The following TNXB variants were observed in gnomAD, a reference collection of about 807,000 sequenced individuals.
The protein encoded by TNXB is tenascin XB.
A neutral mutation model predicts 340.5 loss-of-function variants in TNXB; 183 were observed. The observed-to-expected ratio is 0.54, with a 90% CI of 0.48 to 0.61. The LOEUF (loss-of-function observed/expected upper bound fraction) is 0.61, where lower values mean the gene tolerates loss of function less well. Ranked by LOEUF, TNXB falls within the 20% of genes least tolerant of loss-of-function variation. The pLI is 0.00. For missense variants in TNXB, 4,613 were observed against 5,446.4 expected, an observed-to-expected ratio of 0.85 and a Z score of 4.82; for synonymous variants, 2,121 against 2,314.5, an observed-to-expected ratio of 0.92 and a Z score of 2.40.
At position 32,069,911 on chromosome 6, in the gene TNXB, G is replaced by A; in HGVS notation, c.5279-50C>T. On this transcript the variant is annotated intron_variant, in intron 14 of 43. Transcript: ENST00000644971. The surrounding 1 kb of genome is among the most constrained non-coding windows in gnomAD (Gnocchi z 6.2). ...ACGGCTGAGCTGTTTCTGGAAGACTGGGTGACCTCGACGGGCAGGATTGAG... is the reference window on the plus strand; with the variant it reads ...ACGGCTGAGCTGTTTCTGGAAGACTAGGTGACCTCGACGGGCAGGATTGAG... The A allele has an allele frequency of 1.3e-6, 2 of 1,520,070 alleles. No homozygotes were observed. Among genetic ancestry groups the A allele is most frequent in the Non-Finnish European group, 1.8e-6 (2 of 1,129,710 alleles). The allele number at this position is 1,520,070 out of a possible 1,614,324, so 94.2% of individuals were successfully genotyped here.
In TNXB at chr6:32,098,028, A is replaced by G. The variant is rs1780511123; in HGVS notation, c.171T>C (p.Ser57=). 6.2e-7 allele frequency: 1 copy of G among 1,607,254 alleles called. No homozygotes were observed. The highest frequency in any genetic ancestry group is 1.3e-5 in the African/African-American group (1 of 75,016). ...CTTCCACTGTGTGCTCGTAAAGCTGAGAAGAGGGGCTTCCCACTCCAGCCC... is the reference window on the plus strand; with the variant it reads ...CTTCCACTGTGTGCTCGTAAAGCTGGGAAGAGGGGCTTCCCACTCCAGCCC... The part of the protein sequence containing the change: ...TVGAGVGSPS[S]QLYEHTVEGG... Residue 57 remains serine, a synonymous_variant, in exon 2 of 44, where the codon TCT becomes TCC. Transcript: ENST00000644971.
At chr6:32,053,270 CA>C in intron 25 of TNXB, 117 bp downstream of exon 25, 1 of 1,468,588 alleles carries the variant, frequency 6.8e-7, no homozygotes. Context: ...TGGGGAAAGA[CA>C]AAAAAGTACC....
chr6:32,053,685 G>C lies in TNXB; in HGVS notation c.8494C>G (p.Gln2832Glu). The C allele has an allele frequency of 1.9e-6, 3 of 1,612,888 alleles. No homozygotes were observed. The South Asian group carries it at 3.3e-5, about 18-fold the overall frequency. ...TAPEDEAETT[Q>E]AVPTTTPEPP... ...TCAGGGGTTGTGGTGGGCACTGCTT[G>C]GGTGGTCTCTGCTTCATCCTCTGGA... is the stretch of plus-strand genomic sequence containing the variant. Residue 2832 changes from glutamine (Q) to glutamate (E), a missense_variant, in exon 25 of 44, where the codon CAA (glutamine) becomes GAA (glutamate). Around this residue, in one of 7 missense-constraint regions of TNXB, gnomAD observed 4,327 missense variants for 4,859.4 expected, o/e 0.89. Coordinates refer to ENST00000644971, the MANE Select transcript of TNXB (RefSeq NM_001365276.2).
At chr6:32,091,499 C>T (rs369792272) in intron 4 of TNXB, among the ~76,000 whole-genome samples, 2 of 140,108 alleles carry the variant, frequency 1.4e-5, no homozygotes, top group African/African-American at 2.7e-5. Flanking sequence ...TTTTTTGAGA[C>T]GGAATTTCGC....
rs1401371053 is a variant in TNXB, at chr6:32,087,756, G to T, written c.2779+1029C>A. On this transcript the variant is annotated intron_variant, in intron 6 of 43. Coordinates refer to ENST00000644971, the MANE Select transcript of TNXB (RefSeq NM_001365276.2). The surrounding 1 kb of genome is among the most constrained non-coding windows in gnomAD (Gnocchi z 9.0). The stretch of plus-strand genomic sequence containing the variant: ...GTGGGTAGCCGTGAGCCCGCAGGTG[G>T]CGCTCCAGGTCCTGCACCGTGCCGC... 2 of 507,938 alleles carry T rather than the reference G, an allele frequency of 3.9e-6. No homozygotes were observed. The highest frequency in any genetic ancestry group is 3.9e-5 in the African/African-American group (2 of 51,678). The allele number at this position is 507,938 out of a possible 1,614,324, so 31.5% of individuals were successfully genotyped here. A position where few individuals can be genotyped will look rare whatever the true frequency, so the allele number is the denominator to read the frequency against.
In TNXB at chr6:32,061,904, C is replaced by T. The variant is rs1345421330; in HGVS notation, c.7169-184G>A. ...TCCTGCTCAGCTGACAGCTAACACA[C>T]ATGACAAATTCCAGGGTCAGCTGTG... On this transcript the variant is annotated intron_variant, in intron 20 of 43. Coordinates refer to ENST00000644971, the MANE Select transcript of TNXB (RefSeq NM_001365276.2). The surrounding 1 kb of genome is among the most constrained non-coding windows in gnomAD (Gnocchi z 4.4). Among the ~76,000 whole-genome samples, 1 of 152,184 alleles carries T rather than the reference C, an allele frequency of 6.6e-6. No individual in the cohort carries two copies. Among genetic ancestry groups the T allele is most frequent in the Non-Finnish European group, 1.5e-5 (1 of 68,014 alleles).
At position 32,069,965 on chromosome 6, in the gene TNXB, G is replaced by A; in HGVS notation, c.5279-104C>T. 1 of 1,381,284 alleles carries A rather than the reference G, an allele frequency of 7.2e-7. No individual in the cohort carries two copies. The highest frequency in any genetic ancestry group is 9.6e-7 in the Non-Finnish European group (1 of 1,037,760). The allele number at this position is 1,381,284 out of a possible 1,614,324, so 85.6% of individuals were successfully genotyped here. On this transcript the variant is annotated intron_variant, in intron 14 of 43. Coordinates refer to ENST00000644971, the MANE Select transcript of TNXB (RefSeq NM_001365276.2). The surrounding 1 kb of genome is among the most constrained non-coding windows in gnomAD (Gnocchi z 6.2). ...TCTGGAGACAGGGCTTTGCGTGGCT[G>A]AGTCCTGCCGGGCTGTGCTAGGGGC...
chr6:32,095,705 G>C lies in TNXB; in HGVS notation c.2148C>G (p.Ile716Met), dbSNP rs1294544137. 2 of 1,613,458 alleles carry C rather than the reference G, an allele frequency of 1.2e-6. No individual in the cohort carries two copies. The highest frequency in any genetic ancestry group is 2.7e-5 in the African/African-American group (2 of 74,968). Residue 716 changes from isoleucine to methionine, a missense_variant, in exon 3 of 44, where the codon ATC becomes ATG. By Grantham distance (10) the Ile-to-Met change is conservative (BLOSUM62 1). This residue lies in a region of TNXB where 4,327 missense variants were observed against 4,859.4 expected (regional missense o/e 0.89). Transcript: ENST00000644971. ...CACGGCAGTCCCCTGGGCATGTCTG[G>C]ATGGCACAGTCAGGGCCTCGGAAGC... ...VEGFRGPDCA[I>M]QTCPGDCRGR...
In TNXB at chr6:32,070,331, GGC is replaced by G; in HGVS notation, c.5072_5073del (p.Arg1691ProfsTer7). 6.2e-7 allele frequency: 1 copy of G among 1,610,928 alleles called. No homozygotes were observed. Among genetic ancestry groups the G allele is most frequent in the Non-Finnish European group, 8.5e-7 (1 of 1,178,906 alleles). On this transcript the variant is annotated frameshift_variant, in exon 14 of 44. Transcript: ENST00000644971. LOFTEE classifies it high-confidence loss of function. The surrounding 1 kb of genome is among the most constrained non-coding windows in gnomAD (Gnocchi z 6.0). ...WVTDPTPDSLRLSWTVPEGQF... is the reference protein window; with the variant it reads ...WVTDPTPDSLXLSWTVPEGQF... ...TGGCCCTCAGGAACCGTCCAGGAGA[GGC>G]GCAGTGAGTCTGGGGTGGGGTCTGT...
chr6:32,047,625 G>T lies in TNXB; in HGVS notation c.10324+109C>A. On this transcript the variant is annotated intron_variant, in intron 30 of 43. Transcript: ENST00000644971. The surrounding 1 kb of genome is among the most constrained non-coding windows in gnomAD (Gnocchi z 6.2). ...GGGACTCACTTTCGGAGTTAAGATGGTTGTGTCAGGGCTGATAGAGGGAAT... is the reference window on the plus strand; with the variant it reads ...GGGACTCACTTTCGGAGTTAAGATGTTTGTGTCAGGGCTGATAGAGGGAAT... 1 of 1,295,940 alleles carries T rather than the reference G, an allele frequency of 7.7e-7. No homozygotes were observed. The highest frequency in any genetic ancestry group is 1.0e-6 in the Non-Finnish European group (1 of 966,082). The allele number at this position is 1,295,940 out of a possible 1,614,324, so 80.3% of individuals were successfully genotyped here.
At position 32,041,610 on chromosome 6, in the gene TNXB, C is replaced by G. The variant is rs1031393903; in HGVS notation, c.12634-160G>C. 8.3e-6 allele frequency: 9 copies of G among 1,083,042 alleles called. 2 individuals are homozygous for G. In the African/African-American group the frequency reaches 1.5e-4, roughly 18 times the overall value. 67.1% of individuals were successfully genotyped at this position (1,083,042 alleles called of 1,614,324 possible). ...ATTGAGGCTTAATTCTGAGCTGGCCCTTTCCAGCCAATAAATCAACTCCAG... is the reference window on the plus strand; with the variant it reads ...ATTGAGGCTTAATTCTGAGCTGGCCGTTTCCAGCCAATAAATCAACTCCAG... On this transcript the variant is annotated intron_variant, in intron 43 of 43. Coordinates refer to ENST00000644971, the MANE Select transcript of TNXB (RefSeq NM_001365276.2).
chr6:32,072,197 G>C lies in TNXB; in HGVS notation c.4783C>G (p.Leu1595Val). The C allele has an allele frequency of 6.2e-7, 1 of 1,612,496 alleles. No individual in the cohort carries two copies. Among genetic ancestry groups the C allele is most frequent in the Non-Finnish European group, 8.5e-7 (1 of 1,179,348 alleles). The change falls in exon 13 of 44, where the codon CTC becomes GTC. Residue 1595 changes from leucine (L) to valine (V), a missense_variant. Leu to Val is a conservative substitution (Grantham distance 32, BLOSUM62 1). This residue lies in a region of TNXB where 4,327 missense variants were observed against 4,859.4 expected (regional missense o/e 0.89). Coordinates refer to ENST00000644971, the MANE Select transcript of TNXB (RefSeq NM_001365276.2). The surrounding 1 kb of genome is among the most constrained non-coding windows in gnomAD (Gnocchi z 4.4). The part of the protein sequence containing the change: ...VTDITPDSVG[L>V]SWTVPEGEFD... ...TCACCCTCAGGGACTGTCCATGAGA[G>C]GCCCACAGAGTCAGGGGTTATATCC...
chr6:32,081,381 CA>C lies in TNXB; in HGVS notation c.4028del (p.Val1343GlyfsTer36). ...RGRQRVGPESVVAKTAPQEDV... is the reference protein window; with the variant it reads ...RGRQRVGPESXVAKTAPQEDV... Reference sequence around the variant, plus strand: ...GCCATGACTCACCAGTCTTGGCCACCACAGACTCGGGCCCCACACGCTGCCT... The same window carrying C: ...GCCATGACTCACCAGTCTTGGCCACCCAGACTCGGGCCCCACACGCTGCCT... On this transcript the variant is annotated frameshift_variant, in exon 10 of 44. Transcript: ENST00000644971. LOFTEE classifies it high-confidence loss of function. This position sits in a 1 kb window ranked among gnomAD's most constrained non-coding sequence, Gnocchi z 5.1. 1.3e-6 allele frequency: 2 copies of C among 1,539,284 alleles called. No individual in the cohort carries two copies. Among genetic ancestry groups the C allele is most frequent in the Non-Finnish European group, 1.8e-6 (2 of 1,139,328 alleles).
chr6:32,088,661 C>T (rs1024375010), intron 6 of TNXB, 124 bp downstream of exon 6: 6 of 1,386,888 alleles, frequency 4.3e-6, no homozygotes, highest in Middle Eastern at 2.6e-4. Context: ...GCAGGTGCCT[C>T]GAGACTGCCA....
Position 32,071,994 on chromosome 6 carries a change from C to G in TNXB, c.4986G>C (p.Lys1662Asn). ...CTGTGTAGGGGCCCATCTCACCCGT[C>G]TTTGCCTCCACAGAGACTGGGCTGC... The part of the protein sequence containing the change: ...KRRSPVSVEA[K>N]TVARGDASPG... Residue 1662 changes from lysine to asparagine, a missense_variant, in exon 13 of 44, where the codon AAG (lysine) becomes AAC (asparagine). By Grantham distance (94) the Lys-to-Asn change is moderately conservative (BLOSUM62 0). Coordinates refer to ENST00000644971, the MANE Select transcript of TNXB (RefSeq NM_001365276.2). 6.3e-7 allele frequency: 1 copy of G among 1,597,750 alleles called. No individual in the cohort carries two copies. The highest frequency in any genetic ancestry group is 8.5e-7 in the Non-Finnish European group (1 of 1,170,620).
chr6:32,099,649 C>T (rs1780608318), intron 1 of TNXB, among the ~76,000 whole-genome samples: 1 of 152,016 alleles, frequency 6.6e-6, no homozygotes, highest in Non-Finnish European at 1.5e-5. Flanking sequence ...AAAGCATGAG[C>T]CACCATGCTT....
chr6:32,101,971 G>T (rs1009822896), intron 1 of TNXB, among the ~76,000 whole-genome samples: 7 of 152,084 alleles, frequency 4.6e-5, no homozygotes, highest in African/African-American at 1.7e-4. Flanking sequence ...CAATCCTCCT[G>T]CCTCACCCTC....
Position 32,079,442 on chromosome 6 carries a change from C to CACAGCGTAAGGGCA in TNXB, c.4043-78_4043-77insTGCCCTTACGCTGT. 1 of 1,255,170 alleles carries CACAGCGTAAGGGCA rather than the reference C, an allele frequency of 8.0e-7. No homozygotes were observed. The highest frequency in any genetic ancestry group is 1.1e-6 in the Non-Finnish European group (1 of 908,720). The allele number at this position is 1,255,170 out of a possible 1,614,324, so 77.8% of individuals were successfully genotyped here. On this transcript the variant is annotated intron_variant, in intron 10 of 43. Coordinates refer to ENST00000644971, the MANE Select transcript of TNXB (RefSeq NM_001365276.2). This position sits in a 1 kb window ranked among gnomAD's most constrained non-coding sequence, Gnocchi z 7.1. ...CACAGATGACAGCCATGGAAATGCC[C>CACAGCGTAAGGGCA]TTACGCTGTGGGCTCAGGGGCTCTG...
rs1188728443 is a variant in TNXB, at chr6:32,095,173, C to T, written c.2261G>A (p.Gly754Asp). The change falls in exon 4 of 44, where the codon GGC (glycine) becomes GAC (aspartate). Residue 754 changes from glycine to aspartate, a missense_variant. By Grantham distance (94) the Gly-to-Asp change is moderately conservative. Around this residue, in one of 7 missense-constraint regions of TNXB, gnomAD observed 4,327 missense variants for 4,859.4 expected, o/e 0.89. Transcript: ENST00000644971. ...CTCCTCCAAGAGATGCATCCTCATG[C>T]CCTCAATGGTTGGCACCTCTGCCCA... is the stretch of plus-strand genomic sequence containing the variant. The part of the protein sequence containing the change: ...DCGEEVPTIE[G>D]MRMHLLEETT... The T allele has an allele frequency of 1.9e-6, 3 of 1,549,880 alleles. No individual in the cohort carries two copies. Among genetic ancestry groups the T allele is most frequent in the Admixed American group, 3.9e-5 (2 of 51,010 alleles).
Sources: allele counts gnomAD v4.1 joint callset (sites outside exome capture counted in the v4.1 genomes callset), GRCh38; gene constraint gnomAD v4.1.1; regional missense constraint gnomAD v4.1.1; non-coding constraint Gnocchi (gnomAD v3.1); transcripts MANE v1.5; gene names NCBI Gene and HGNC (gene_info 2026-07-23, HGNC 2026-07-21).